ATP8A2: variants seen among roughly 807,000 people sequenced by gnomAD.
ATP8A2 encodes the protein ATPase phospholipid transporting 8A2, also known as phospholipid-transporting ATPase IB.
ATP8A2 carries 100 observed loss-of-function variants against 165.6 expected under a neutral mutation model. The ratio of observed to expected loss-of-function variants is 0.60; its 90% confidence interval spans 0.51 to 0.71. The LOEUF (loss-of-function observed/expected upper bound fraction) is 0.71. Ranked by LOEUF, ATP8A2 falls within the 30% of genes least tolerant of loss-of-function variation. The pLI is 0.00. For synonymous variants in ATP8A2, 543 were observed against 548.8 expected (o/e 0.99, Z 0.15); for missense variants, 1,227 against 1,479.5 (o/e 0.83, Z 2.80).
chr13:25,728,501 A>G (rs889622056), intron 25 of ATP8A2, among the ~76,000 whole-genome samples: 6 of 152,216 alleles, frequency 3.9e-5, no homozygotes, highest in Non-Finnish European at 8.8e-5. Flanking sequence ...GATGCCGTGA[A>G]TAAAGGTCAT....
rs1367626125 is a variant in ATP8A2, at chr13:26,022,668, C to G, written c.*2683C>G. On this transcript the variant is annotated 3_prime_UTR_variant, in exon 37 of 37. Transcript: ENST00000381655. ...ATGTATAATATTTAGCCAGGGCCAA[C>G]TCAGGGGCTGTGTCATTTGTCCTAT... 1 of 152,338 alleles carries G rather than the reference C, an allele frequency of 6.6e-6. No individual in the cohort carries two copies. Among genetic ancestry groups the G allele is most frequent in the South Asian group, 2.1e-4 (1 of 4,826 alleles). The allele number at this position is 152,338 out of a possible 1,614,324, so 9.4% of individuals were successfully genotyped here. A position where few individuals can be genotyped will look rare whatever the true frequency, so the allele number is the denominator to read the frequency against.
chr13:25,987,523 C>T (rs1956298284), intron 35 of ATP8A2, among the ~76,000 whole-genome samples: 1 of 152,226 alleles, frequency 6.6e-6, no homozygotes, highest in African/African-American at 2.4e-5. Context: ...AAACCCTGCA[C>T]TGAAGCAATG....
chr13:25,786,351 G>A (rs1227283349), intron 27 of ATP8A2, among the ~76,000 whole-genome samples: 1 of 152,140 alleles, frequency 6.6e-6, no homozygotes, highest in East Asian at 1.9e-4. Flanking sequence ...TCAAGAATAG[G>A]AGTTATATAC....
chr13:25,400,022 A>G (rs186645957), intron 1 of ATP8A2, among the ~76,000 whole-genome samples: 223 of 16,494 alleles, frequency 0.014, 2 homozygotes, highest in African/African-American at 0.039. Context: ...TCTTGAGCTT[A>G]AGCCATCCTC....
intron 23 of ATP8A2, among the ~76,000 whole-genome samples, chr13:25,583,574 C>T (rs544143442): frequency 1.0e-3 from 154 of 152,236 alleles, no homozygotes; most frequent in African/African-American, 3.6e-3. Flanking sequence ...CTCTCATCCA[C>T]ACCGCCCGGC....
chr13:25,983,143 G>A (rs1291474775), intron 35 of ATP8A2, among the ~76,000 whole-genome samples: 2 of 152,174 alleles, frequency 1.3e-5, no homozygotes, highest in Non-Finnish European at 2.9e-5. Context: ...TAGGCTCTGG[G>A]ATGCACCTTC....
chr13:25,697,824 T>C (rs2042866158), intron 24 of ATP8A2, among the ~76,000 whole-genome samples: 1 of 152,216 alleles, frequency 6.6e-6, no homozygotes, highest in Non-Finnish European at 1.5e-5. Context: ...AGAACCCAGG[T>C]CATCTGACCA....
intron 25 of ATP8A2, among the ~76,000 whole-genome samples, chr13:25,700,910 G>A (rs527905549): frequency 2.6e-5 from 4 of 152,228 alleles, no homozygotes; most frequent in Admixed American, 1.3e-4. Flanking sequence ...AAGTGGTATC[G>A]CATTGTCCTT....
Position 25,628,565 on chromosome 13 carries a change from C to G in ATP8A2, c.2211+38866C>G, listed in dbSNP as rs147509078. 1.3e-3 allele frequency among the ~76,000 whole-genome samples: 204 copies of G among 152,096 alleles called. 2 individuals carry two copies. The highest frequency in any genetic ancestry group is 4.8e-3 in the African/African-American group (197 of 41,386). ...GGCTGCTATGACAAAATACCACAAA[C>G]TGGGTGGTTTAAATAGCAGAAACTT... On this transcript the variant is annotated intron_variant, in intron 24 of 36. Transcript: ENST00000381655.
chr13:25,604,755 T>C (rs2040473746), intron 24 of ATP8A2, among the ~76,000 whole-genome samples: 1 of 152,358 alleles, frequency 6.6e-6, no homozygotes, highest in East Asian at 1.9e-4. Flanking sequence ...AGTATTAGTA[T>C]TCCTGTATTC....
intron 6 of ATP8A2, 26 bp downstream of exon 6, chr13:25,533,339 C>G (rs767465594): frequency 6.6e-6 from 9 of 1,359,440 alleles, no homozygotes; most frequent in Middle Eastern, 1.8e-4. Flanking sequence ...AAAGATGTAC[C>G]AGTACTATTG....
chr13:25,935,646 G>C (rs766018571), intron 33 of ATP8A2, among the ~76,000 whole-genome samples: 50 of 152,226 alleles, frequency 3.3e-4, no homozygotes, highest in Non-Finnish European at 5.0e-4. Flanking sequence ...ACAAGGGGTA[G>C]GGGAAGCATC....
intron 24 of ATP8A2, among the ~76,000 whole-genome samples, chr13:25,671,434 A>G (rs897135486): frequency 6.6e-6 from 1 of 152,240 alleles, no homozygotes; most frequent in Admixed American, 6.5e-5. Context: ...AGCCAGGCGG[A>G]ACAGAGCCAT....
chr13:25,665,257 G>T (rs908682892), intron 24 of ATP8A2, among the ~76,000 whole-genome samples: 2 of 152,164 alleles, frequency 1.3e-5, no homozygotes, highest in African/African-American at 4.8e-5. Context: ...CTGTCTCTAA[G>T]TCAAAACAGA....
intron 27 of ATP8A2, among the ~76,000 whole-genome samples, chr13:25,813,364 A>C (rs1950924998): frequency 6.8e-6 from 1 of 147,950 alleles, no homozygotes; most frequent in African/African-American, 2.5e-5. Context: ...GAGACAGGCA[A>C]GCCAGCCAGG....
chr13:25,874,764 A>C (rs1202355805), intron 33 of ATP8A2, among the ~76,000 whole-genome samples: 2 of 152,156 alleles, frequency 1.3e-5, no homozygotes, highest in South Asian at 4.1e-4. Context: ...ATAATTGCAC[A>C]CTCATATTTA....
chr13:25,950,299 CAG>C (rs1301052691), intron 33 of ATP8A2, among the ~76,000 whole-genome samples: 1 of 152,138 alleles, frequency 6.6e-6, no homozygotes, highest in East Asian at 1.9e-4. Context: ...CAGAGTAGGA[CAG>C]GGGTCGTTCT....
At chr13:25,992,163 C>T (rs1278465275) in intron 35 of ATP8A2, among the ~76,000 whole-genome samples, 1 of 150,498 alleles carries the variant, frequency 6.6e-6, no homozygotes, top group Admixed American at 6.6e-5. Flanking sequence ...ACATTTTCAT[C>T]ATGATGCATG....
intron 2 of ATP8A2, among the ~76,000 whole-genome samples, chr13:25,519,564 G>A (rs2037593501): frequency 6.6e-6 from 1 of 152,082 alleles, no homozygotes; most frequent in Admixed American, 6.5e-5. Flanking sequence ...TCATCTTCAT[G>A]TCACCCAGTT....
Sources: gnomAD v4.1 joint callset for allele counts (sites outside exome capture counted in the v4.1 genomes callset) on GRCh38, gnomAD v4.1.1 for gene constraint, MANE v1.5 for transcripts, NCBI Gene and HGNC (gene_info 2026-07-23, HGNC 2026-07-21) for gene names.